SNX4: variants seen among roughly 807,000 people sequenced by gnomAD.
The protein encoded by SNX4 is sorting nexin 4.
A neutral mutation model predicts 70.8 loss-of-function variants in SNX4; 49 were observed. That is an observed-to-expected ratio of 0.69 (90% CI 0.55 to 0.88). The LOEUF is 0.88. Ranked by LOEUF, SNX4 falls within the 40% of genes least tolerant of loss-of-function variation. The pLI, the probability that SNX4 is intolerant of heterozygous loss-of-function variation, is 0.00. For missense variants in SNX4, 528 were observed against 544.8 expected (o/e 0.97, Z 0.31); for synonymous variants, 206 against 183.8 (o/e 1.12, Z -0.98).
intron 5 of SNX4, among the ~76,000 whole-genome samples, chr3:125,491,884 G>A (rs146215613): frequency 0.048 from 7,320 of 152,064 alleles, 415 homozygotes; most frequent in African/African-American, 0.13. Context: ...TGAGGCGGGT[G>A]GATCACGAGG....
Position 125,468,394 on chromosome 3 carries a change from A to T in SNX4, c.854+1060T>A, listed in dbSNP as rs889522229. On this transcript the variant is annotated intron_variant, in intron 9 of 13. Transcript: ENST00000251775. Reference sequence around the variant, plus strand: ...CCCCTGAACCTATAATAGAAGTTGGAAAAAATAAAATTAATTCAGTTGTTG... The same window carrying T: ...CCCCTGAACCTATAATAGAAGTTGGTAAAAATAAAATTAATTCAGTTGTTG... Among the ~76,000 whole-genome samples the T allele has an allele frequency of 3.9e-5, 6 of 152,258 alleles. No individual in the cohort carries two copies. In the South Asian group the frequency reaches 6.2e-4, roughly 16 times the overall value.
intron 1 of SNX4, among the ~76,000 whole-genome samples, chr3:125,506,972 C>A (rs1388721429): frequency 2.0e-5 from 3 of 150,140 alleles, no homozygotes; most frequent in Admixed American, 2.0e-4. Context: ...GAGGCTGAGG[C>A]GGGCAGGTCA....
intron 1 of SNX4, among the ~76,000 whole-genome samples, chr3:125,507,973 AT>A (rs1935087396): frequency 6.6e-6 from 1 of 152,176 alleles, no homozygotes; most frequent in South Asian, 2.1e-4. Context: ...TCCATTTACA[AT>A]AGCATCAAAA....
At chr3:125,511,852 C>T (rs911019891) in intron 1 of SNX4, among the ~76,000 whole-genome samples, 1 of 151,986 alleles carries the variant, frequency 6.6e-6, no homozygotes, top group African/African-American at 2.4e-5. Context: ...TAAACCTAGC[C>T]ACTATAAGGT....
intron 6 of SNX4, among the ~76,000 whole-genome samples, chr3:125,484,920 G>A (rs1225040079): frequency 6.6e-6 from 1 of 152,080 alleles, no homozygotes; most frequent in Non-Finnish European, 1.5e-5. Flanking sequence ...ACAAAAATTA[G>A]CTGGGCGTGG....
At chr3:125,504,830 A>G in intron 1 of SNX4, 86 bp from the exon 2 acceptor site, 1 of 1,431,832 alleles carries the variant, frequency 7.0e-7, no homozygotes, top group Non-Finnish European at 9.4e-7. Flanking sequence ...AATTAAACCC[A>G]TTATTGGGTT....
chr3:125,471,384 TTACCA>T (rs1934170438), intron 8 of SNX4, among the ~76,000 whole-genome samples: 1 of 102,102 alleles, frequency 9.8e-6, no homozygotes, highest in Admixed American at 1.0e-4. Context: ...TTTTCACCAC[TTACCA>T]TACATGTAAT....
intron 8 of SNX4, among the ~76,000 whole-genome samples, chr3:125,476,133 G>A (rs368127365): frequency 1.7e-4 from 26 of 151,574 alleles, no homozygotes; most frequent in African/African-American, 5.1e-4. Context: ...CAGGTGTGGT[G>A]GCAGGTGTCT....
intron 1 of SNX4, among the ~76,000 whole-genome samples, chr3:125,507,830 C>T (rs11926279): frequency 0.47 from 71,774 of 151,814 alleles, 17,161 homozygotes; most frequent in African/African-American, 0.54. Flanking sequence ...GGAGAATCGC[C>T]TGAACCCAAG....
At chr3:125,455,857 CA>C (rs369250817) in intron 11 of SNX4, among the ~76,000 whole-genome samples, 4,292 of 148,590 alleles carry the variant, frequency 0.029, 177 homozygotes, top group African/African-American at 0.1. Flanking sequence ...ACTAAAAGTG[CA>C]AAAAAAAAAT....
In SNX4 at chr3:125,520,127, G is replaced by A. The variant is rs1386813367; in HGVS notation, c.46C>T (p.Pro16Ser). 28 of 1,470,890 alleles carry A rather than the reference G, an allele frequency of 1.9e-5. No homozygotes were observed. The highest frequency in any genetic ancestry group is 2.4e-5 in the Non-Finnish European group (27 of 1,116,922). The allele number at this position is 1,470,890 out of a possible 1,614,324, so 91.1% of individuals were successfully genotyped here. Residue 16 changes from proline to serine, a missense_variant, in exon 1 of 14, where the codon CCC becomes TCC. Around this residue, in one of 3 missense-constraint regions of SNX4, gnomAD observed 341 missense variants for 312.2 expected, o/e 1.09. Transcript: ENST00000251775. ...TCTGGGGAGCCCAGCGGCTCCAAGG[G>A]CGCCGGCTGGAGCTGCCGCTCGGGG... ...PDPERQLQPAPLEPLGSPDAG... is the reference protein window; with the variant it reads ...PDPERQLQPASLEPLGSPDAG...
At chr3:125,504,784 C>G in intron 1 of SNX4, 40 bp from the exon 2 acceptor site, 3 of 1,596,554 alleles carry the variant, frequency 1.9e-6, no homozygotes, top group Non-Finnish European at 2.6e-6. Context: ...CAACAAAAAC[C>G]TTTAAGATGG....
At chr3:125,469,561 G>T in intron 8 of SNX4, 42 bp from the exon 9 acceptor site, 1 of 1,309,194 alleles carries the variant, frequency 7.6e-7, no homozygotes. Context: ...ATGCATTAGA[G>T]ATATGGAATA....
At chr3:125,502,408 C>G (rs1934948309) in intron 2 of SNX4, among the ~76,000 whole-genome samples, 1 of 150,736 alleles carries the variant, frequency 6.6e-6, no homozygotes, top group South Asian at 2.1e-4. Flanking sequence ...AGAAGGAAAA[C>G]TAAATTTTCA....
At chr3:125,506,231 G>GA (rs1935039546) in intron 1 of SNX4, among the ~76,000 whole-genome samples, 1 of 151,688 alleles carries the variant, frequency 6.6e-6, no homozygotes. Context: ...GGCATATAAA[G>GA]AAACAGGGTG....
intron 6 of SNX4, among the ~76,000 whole-genome samples, chr3:125,488,307 C>A (rs1261644138): frequency 2.0e-5 from 3 of 151,652 alleles, no homozygotes; most frequent in Non-Finnish European, 4.4e-5. Context: ...AAAACCCCAT[C>A]TCTACTAAAA....
intron 2 of SNX4, among the ~76,000 whole-genome samples, chr3:125,499,505 T>C (rs1934878675): frequency 6.6e-6 from 1 of 152,106 alleles, no homozygotes; most frequent in South Asian, 2.1e-4. Context: ...AAATGCAAAA[T>C]TCACAAATGG....
chr3:125,478,128 AAAGTAC>A, intron 7 of SNX4, among the ~76,000 whole-genome samples: 1 of 151,612 alleles, frequency 6.6e-6, no homozygotes, highest in East Asian at 1.9e-4. Flanking sequence ...CTCCCAGGCT[AAAGTAC>A]AGTGGCACGA....
At chr3:125,512,043 C>T (rs1935184384) in intron 1 of SNX4, among the ~76,000 whole-genome samples, 1 of 152,100 alleles carries the variant, frequency 6.6e-6, no homozygotes, top group South Asian at 2.1e-4. Context: ...AAATCTCAGT[C>T]CTCAAGGCAT....
Sources: gnomAD v4.1 joint callset for allele counts (sites outside exome capture counted in the v4.1 genomes callset) on GRCh38, gnomAD v4.1.1 for gene constraint, gnomAD v4.1.1 regional missense constraint, MANE v1.5 for transcripts, NCBI Gene and HGNC (gene_info 2026-07-23, HGNC 2026-07-21) for gene names.